Variants in PVT1 observed in about 807,000 individuals in gnomAD.
The protein encoded by PVT1 is Pvt1 oncogene, also known as CXCR4/PVT1 fusion.
chr8:127,866,340 C>T (rs754587485), intron 2 of PVT1, among the ~76,000 whole-genome samples: 13 of 151,980 alleles, frequency 8.6e-5, no homozygotes, highest in Non-Finnish European at 1.9e-4. Context: ...CTTTCCTGCC[C>T]CTGACCCACA....
At chr8:127,963,811 T>C (rs145709764) in intron 3 of PVT1, among the ~76,000 whole-genome samples, 75 of 152,286 alleles carry the variant, frequency 4.9e-4, no homozygotes, top group African/African-American at 1.8e-3. Flanking sequence ...AAATCCAGCA[T>C]GGCCTTTGTC....
chr8:128,052,380 G>A (rs1478779427), intron 4 of PVT1, among the ~76,000 whole-genome samples: 1 of 152,182 alleles, frequency 6.6e-6, no homozygotes, highest in Non-Finnish European at 1.5e-5. Context: ...GCTGCACTGT[G>A]CTGTCTTGGG....
intron 3 of PVT1, among the ~76,000 whole-genome samples, chr8:127,983,000 G>A (rs1816902252): frequency 1.3e-5 from 2 of 152,196 alleles, no homozygotes. Context: ...GGAGACACGG[G>A]TCTGGGCTCC....
Position 127,820,834 on chromosome 8 carries a change from C to T in PVT1, n.372+24763C>T, listed in dbSNP as rs1430334591. On this transcript the variant is annotated intron_variant and non_coding_transcript_variant, in intron 2 of 10. Coordinates refer to ENST00000651587, the Ensembl canonical transcript of PVT1. ...AAGTGGTTCTCATGCTTCAGCCTCC[C>T]GAGTAGCTGGATTACAGACATGCAC... Among the ~76,000 whole-genome samples, 5 of 152,102 alleles carry T rather than the reference C, an allele frequency of 3.3e-5. No individual in the cohort carries two copies. The East Asian group carries it at 5.8e-4, about 18-fold the overall frequency.
At position 127,898,660 on chromosome 8, in the gene PVT1, C is replaced by T. The variant is rs1251598768; in HGVS notation, n.782+7662C>T. Among the ~76,000 whole-genome samples, 2 of 152,176 alleles carry T rather than the reference C, an allele frequency of 1.3e-5. No individual in the cohort carries two copies. Among genetic ancestry groups the T allele is most frequent in the Non-Finnish European group, 2.9e-5 (2 of 68,036 alleles). ...TGGCTGGAACCTGTATTCCAGTGGC[C>T]CTGGTGGCTCTCTTCCCTCTCACCT... is the stretch of plus-strand genomic sequence containing the variant. On this transcript the variant is annotated intron_variant and non_coding_transcript_variant, in intron 3 of 10. Coordinates refer to ENST00000651587, the Ensembl canonical transcript of PVT1. This position sits in a 1 kb window ranked among gnomAD's most constrained non-coding sequence, Gnocchi z 4.4.
At chr8:127,839,574 G>GA (rs61194690) in intron 2 of PVT1, among the ~76,000 whole-genome samples, 45 of 134,422 alleles carry the variant, frequency 3.3e-4, no homozygotes, top group African/African-American at 5.7e-4. Context: ...AAAAAAAAAT[G>GA]AAAAAAAAAA....
At chr8:127,894,820 G>A (rs1360676018) in intron 3 of PVT1, among the ~76,000 whole-genome samples, 1 of 152,226 alleles carries the variant, frequency 6.6e-6, no homozygotes, top group Non-Finnish European at 1.5e-5. Flanking sequence ...CTCTGGCCAC[G>A]CCACTGGAGG....
intron 4 of PVT1, among the ~76,000 whole-genome samples, chr8:128,040,300 G>A (rs1813515386): frequency 6.6e-6 from 1 of 152,244 alleles, no homozygotes; most frequent in Non-Finnish European, 1.5e-5. Context: ...TAAAAAGACT[G>A]AGGAAATGGG....
At chr8:128,031,589 T>C (rs1349587720) in intron 4 of PVT1, among the ~76,000 whole-genome samples, 2 of 152,196 alleles carry the variant, frequency 1.3e-5, no homozygotes, top group African/African-American at 4.8e-5. Flanking sequence ...ATTAGACAGG[T>C]CGATAAGTTA....
chr8:127,992,871 G>A (rs1817059023), intron 4 of PVT1, among the ~76,000 whole-genome samples: 1 of 152,196 alleles, frequency 6.6e-6, no homozygotes, highest in African/African-American at 2.4e-5. Context: ...GGCCTTTGGT[G>A]ACACCGCATC....
At chr8:127,995,866 A>G (rs1430207104) in intron 4 of PVT1, among the ~76,000 whole-genome samples, 1 of 152,002 alleles carries the variant, frequency 6.6e-6, no homozygotes, top group African/African-American at 2.4e-5. Context: ...TGTGAAGCGC[A>G]TATTGGTGCT....
At chr8:127,897,706 AAGG>A (rs922637861) in intron 3 of PVT1, among the ~76,000 whole-genome samples, 2 of 151,158 alleles carry the variant, frequency 1.3e-5, no homozygotes, top group Non-Finnish European at 3.0e-5. Context: ...GGAAAGAAGG[AAGG>A]AGGGGAAGAA....
intron 4 of PVT1, among the ~76,000 whole-genome samples, chr8:128,017,072 T>C (rs1817382892): frequency 6.6e-6 from 1 of 152,064 alleles, no homozygotes. Flanking sequence ...GAGGGGCTCT[T>C]GGAGATTATC....
At chr8:127,965,416 G>T (rs1004459086) in intron 3 of PVT1, among the ~76,000 whole-genome samples, 19 of 152,278 alleles carry the variant, frequency 1.2e-4, no homozygotes, top group Middle Eastern at 3.4e-3. Context: ...GTTTACCATG[G>T]GGCTGGACAG....
intron 2 of PVT1, among the ~76,000 whole-genome samples, chr8:127,824,123 G>C (rs1220866044): frequency 1.3e-5 from 2 of 152,176 alleles, no homozygotes; most frequent in Non-Finnish European, 2.9e-5. Flanking sequence ...TGAGGCTGCA[G>C]TGAGCTGTAA....
chr8:128,082,794 A>G (rs1814204227), intron 5 of PVT1: 1 of 152,228 alleles, frequency 6.6e-6, no homozygotes, highest in Non-Finnish European at 1.5e-5. Flanking sequence ...CCATCTGGTA[A>G]TTATGAGGTG....
chr8:127,883,771 G>A (rs1815495676), intron 2 of PVT1, among the ~76,000 whole-genome samples: 2 of 152,200 alleles, frequency 1.3e-5, no homozygotes, highest in African/African-American at 4.8e-5. Context: ...TGGGGCTGGG[G>A]CCACGTTTTC....
At chr8:127,936,211 C>T (rs1367906015) in intron 3 of PVT1, among the ~76,000 whole-genome samples, 1 of 151,886 alleles carries the variant, frequency 6.6e-6, no homozygotes, top group African/African-American at 2.4e-5. Context: ...ACCACCCACG[C>T]CCGGCTAATT....
intron 5 of PVT1, among the ~76,000 whole-genome samples, chr8:128,089,978 A>G (rs1236539031): frequency 6.6e-6 from 1 of 152,264 alleles, no homozygotes; most frequent in African/African-American, 2.4e-5. Flanking sequence ...ATCTTTTCAG[A>G]ATAATGCTTT....
Sources: allele counts gnomAD v4.1 joint callset (sites outside exome capture counted in the v4.1 genomes callset), GRCh38; gene constraint gnomAD v4.1.1; non-coding constraint Gnocchi (gnomAD v3.1); transcripts MANE v1.5; gene names NCBI Gene and HGNC (gene_info 2026-07-23, HGNC 2026-07-21).